COL16A1: variants seen among roughly 807,000 people sequenced by gnomAD.
The protein encoded by COL16A1 is collagen type XVI alpha 1 chain.
COL16A1 carries 189 observed loss-of-function variants against 266.3 expected under a neutral mutation model. The ratio of observed to expected loss-of-function variants is 0.71; its 90% CI spans 0.63 to 0.80. COL16A1 has a LOEUF of 0.80. COL16A1 is among the 30% of genes least tolerant of loss of function. COL16A1 has a pLI of 0.00. For missense variants in COL16A1, 1,928 were observed against 2,122.4 expected (o/e 0.91, Z 1.80); for synonymous variants, 740 against 782.3 (o/e 0.95, Z 0.90).
chr1:31,671,524 G>T, intron 48 of COL16A1, 91 bp downstream of exon 48: 5 of 1,537,866 alleles, frequency 3.3e-6, no homozygotes, highest in Non-Finnish European at 4.5e-6. Flanking sequence ...GCCTTGCCCA[G>T]CCTTTTGGGG....
In COL16A1 at chr1:31,685,701, G is replaced by A. The variant is rs375104465; in HGVS notation, c.1954C>T (p.Pro652Ser). ...TCCCCCTTCTCTCCGGATGGGCCAG[G>A]CAAGGCCACCACACGGACATCCCCA... The part of the protein sequence containing the change: ...QDGDVRVVAL[P>S]GPSGEKGEPG... The change falls in exon 29 of 71, where the codon CCT (proline) becomes TCT (serine). Residue 652 changes from proline (P) to serine (S), a missense_variant. Coordinates refer to ENST00000373672, the MANE Select transcript of COL16A1 (RefSeq NM_001856.4). This position sits in a 1 kb window ranked among gnomAD's most constrained non-coding sequence, Gnocchi z 4.0. 8.1e-6 allele frequency: 13 copies of A among 1,614,038 alleles called. No homozygotes were observed. Among genetic ancestry groups the A allele is most frequent in the Non-Finnish European group, 1.0e-5 (12 of 1,180,030 alleles).
chr1:31,658,456 C>A lies in COL16A1; in HGVS notation c.4020+32G>T, dbSNP rs1434702550. 2.6e-6 allele frequency: 4 copies of A among 1,556,744 alleles called. No homozygotes were observed. In the African/African-American group the frequency reaches 5.4e-5, roughly 21 times the overall value. The stretch of plus-strand genomic sequence containing the variant: ...GCCTTGAGCCAATTGACTCTTTCCC[C>A]CTGGGCTATGCTGTAGAATGTGGGA... On this transcript the variant is annotated intron_variant, in intron 64 of 70. Transcript: ENST00000373672.
In COL16A1 at chr1:31,657,108, C is replaced by A; in HGVS notation, c.4021-40G>T. ...GCAATGGAGACATGAGGAGCTCCAA[C>A]CCAGTTTGGTGTCAGATGCCTCACT... On this transcript the variant is annotated intron_variant, in intron 64 of 70. Coordinates refer to ENST00000373672, the MANE Select transcript of COL16A1 (RefSeq NM_001856.4). This position sits in a 1 kb window ranked among gnomAD's most constrained non-coding sequence, Gnocchi z 6.4. 6.2e-7 allele frequency: 1 copy of A among 1,614,048 alleles called. No homozygotes were observed. The highest frequency in any genetic ancestry group is 8.5e-7 in the Non-Finnish European group (1 of 1,179,934).
chr1:31,672,937 C>G, intron 44 of COL16A1, 97 bp from the exon 45 acceptor site: 1 of 1,146,458 alleles, frequency 8.7e-7, no homozygotes, highest in South Asian at 1.3e-5. Flanking sequence ...CCAGGGCTCC[C>G]TGCCCTGCCG....
chr1:31,681,189 C>T (rs1643616288), intron 37 of COL16A1, 122 bp from the exon 38 acceptor site: 2 of 1,341,942 alleles, frequency 1.5e-6, no homozygotes, highest in Non-Finnish European at 9.9e-7. Context: ...AGCCCAGGGC[C>T]GAGGGCCCAC....
rs1173484401 is a variant in COL16A1 at position 31,698,075 on chromosome 1, A to G, written c.488T>C (p.Leu163Pro). ...CAGCTTGTGCCAACGCAAGTCGAAGAGCTGGGGCACTGGGAAGATGCAGGA... is the reference window on the plus strand; with the variant it reads ...CAGCTTGTGCCAACGCAAGTCGAAGGGCTGGGGCACTGGGAAGATGCAGGA... ...FVSCIFPVPQLFDLRWHKLML... is the reference protein window; with the variant it reads ...FVSCIFPVPQPFDLRWHKLML... Residue 163 changes from leucine (L) to proline (P), a missense_variant, in exon 6 of 71, where the codon CTC (leucine) becomes CCC (proline). Coordinates refer to ENST00000373672, the MANE Select transcript of COL16A1 (RefSeq NM_001856.4). This position sits in a 1 kb window ranked among gnomAD's most constrained non-coding sequence, Gnocchi z 4.1. 1 of 1,613,848 alleles carries G rather than the reference A, an allele frequency of 6.2e-7. No individual in the cohort carries two copies. The highest frequency in any genetic ancestry group is 1.3e-5 in the African/African-American group (1 of 74,928).
At position 31,685,100 on chromosome 1, in the gene COL16A1, T is replaced by C. The variant is rs909279068; in HGVS notation, c.2017-244A>G. Reference sequence around the variant, plus strand: ...TTCTTCAGCTGTCAAATGGGGATGATAAAAATAGTATAGGCTTCTGCCCTG... The same window carrying C: ...TTCTTCAGCTGTCAAATGGGGATGACAAAAATAGTATAGGCTTCTGCCCTG... On this transcript the variant is annotated intron_variant, in intron 29 of 70. Transcript: ENST00000373672. This position sits in a 1 kb window ranked among gnomAD's most constrained non-coding sequence, Gnocchi z 4.0. Among the ~76,000 whole-genome samples the C allele has an allele frequency of 2.6e-5, 4 of 152,170 alleles. No homozygotes were observed. Among genetic ancestry groups the C allele is most frequent in the Non-Finnish European group, 5.9e-5 (4 of 68,036 alleles).
rs1364736980 is a variant in COL16A1 at position 31,685,091 on chromosome 1, T to C, written c.2017-235A>G. Among the ~76,000 whole-genome samples the C allele has an allele frequency of 6.6e-6, 1 of 152,158 alleles. No homozygotes were observed. The highest frequency in any genetic ancestry group is 2.4e-5 in the African/African-American group (1 of 41,430). The stretch of plus-strand genomic sequence containing the variant: ...TACCTCAGTTTCTTCAGCTGTCAAA[T>C]GGGGATGATAAAAATAGTATAGGCT... On this transcript the variant is annotated intron_variant, in intron 29 of 70. Coordinates refer to ENST00000373672, the MANE Select transcript of COL16A1 (RefSeq NM_001856.4). The surrounding 1 kb of genome is among the most constrained non-coding windows in gnomAD (Gnocchi z 4.0).
chr1:31,660,753 G>C (rs1358266382), intron 61 of COL16A1, 115 bp from the exon 62 acceptor site: 24 of 1,456,410 alleles, frequency 1.6e-5, no homozygotes, highest in Non-Finnish European at 2.1e-5. Context: ...GGCCAAAGGA[G>C]CTGGGCCAAT....
Position 31,688,520 on chromosome 1 carries a change from C to CAA in COL16A1, c.1768-19_1768-18insTT. ...GCTCTACCCTGAAAAACAACCAAGACAGAGTCTCAGCATCTCCCCACTCCC... is the reference window on the plus strand; with the variant it reads ...GCTCTACCCTGAAAAACAACCAAGACAAAGAGTCTCAGCATCTCCCCACTCCC... On this transcript the variant is annotated intron_variant, in intron 25 of 70. Transcript: ENST00000373672. The surrounding 1 kb of genome is among the most constrained non-coding windows in gnomAD (Gnocchi z 4.9). The CAA allele has an allele frequency of 6.2e-7, 1 of 1,614,108 alleles. No homozygotes were observed.
chr1:31,682,889 T>C (rs758778579), intron 37 of COL16A1, 45 bp downstream of exon 37: 1 of 1,610,286 alleles, frequency 6.2e-7, no homozygotes, highest in South Asian at 1.1e-5. Flanking sequence ...AGAAACATCC[T>C]TGGTTCCAGC....
chr1:31,680,845 G>A (rs1212086210), intron 39 of COL16A1, 60 bp downstream of exon 39: 7 of 1,613,004 alleles, frequency 4.3e-6, no homozygotes, highest in East Asian at 2.2e-5. Flanking sequence ...GGTCACAGGT[G>A]GGAAGGCTGG....
In COL16A1 at chr1:31,670,235, G is replaced by A; in HGVS notation, c.3195+367C>T. 1 of 250,342 alleles carries A rather than the reference G, an allele frequency of 4.0e-6. No individual in the cohort carries two copies. Among genetic ancestry groups the A allele is most frequent in the East Asian group, 7.7e-5 (1 of 12,916 alleles). 15.5% of individuals were successfully genotyped at this position (250,342 alleles called of 1,614,324 possible). A position where few individuals can be genotyped will look rare whatever the true frequency, so the allele number is the denominator to read the frequency against. On this transcript the variant is annotated intron_variant, in intron 49 of 70. Transcript: ENST00000373672. This position sits in a 1 kb window ranked among gnomAD's most constrained non-coding sequence, Gnocchi z 4.5. Reference sequence around the variant, plus strand: ...TGAGAAGCAGGAGGCAGAGCGAGAAGGCAGGAATGGAGGGGCCCCCTAGAG... The same window carrying A: ...TGAGAAGCAGGAGGCAGAGCGAGAAAGCAGGAATGGAGGGGCCCCCTAGAG...
chr1:31,660,662 A>G, intron 61 of COL16A1, 24 bp from the exon 62 acceptor site: 1 of 1,613,890 alleles, frequency 6.2e-7, no homozygotes, highest in Non-Finnish European at 8.5e-7. Flanking sequence ...AAAAAGGAAA[A>G]AATGACACTG....
chr1:31,675,067 G>C, intron 43 of COL16A1, 28 bp from the exon 44 acceptor site: 1 of 1,613,086 alleles, frequency 6.2e-7, no homozygotes, highest in African/African-American at 1.3e-5. Flanking sequence ...GTGGGCTCAA[G>C]CAGGTGAGGG....
At position 31,702,001 on chromosome 1, in the gene COL16A1, A is replaced by G. The variant is rs373595195; in HGVS notation, c.73+120T>C. The G allele has an allele frequency of 1.2e-3, 1,801 of 1,498,770 alleles. 9 individuals carry two copies. The highest frequency in any genetic ancestry group is 5.6e-3 in the South Asian group (479 of 85,294). 92.8% of individuals were successfully genotyped at this position (1,498,770 alleles called of 1,614,324 possible). A position where few individuals can be genotyped will look rare whatever the true frequency, so the allele number is the denominator to read the frequency against. ...TCAGATCACCCTGAGCCCAGCCCCTAGACTCTGCTATAACTGCCCACACGA... is the reference window on the plus strand; with the variant it reads ...TCAGATCACCCTGAGCCCAGCCCCTGGACTCTGCTATAACTGCCCACACGA... On this transcript the variant is annotated intron_variant, in intron 2 of 70. Transcript: ENST00000373672.
In COL16A1 at chr1:31,692,861, A is replaced by G. The variant is rs1339966621; in HGVS notation, c.1072-53T>C. 13 of 1,547,270 alleles carry G rather than the reference A, an allele frequency of 8.4e-6. No individual in the cohort carries two copies. The Admixed American group carries it at 2.2e-4, about 26-fold the overall frequency. ...GTGGGAACTCCTGGGGAAGTCCCCT[A>G]GATGTGTTGTGAGGAGGATCGGCCC... On this transcript the variant is annotated intron_variant, in intron 13 of 70. Coordinates refer to ENST00000373672, the MANE Select transcript of COL16A1 (RefSeq NM_001856.4).
Position 31,658,645 on chromosome 1 carries a change from A to G in COL16A1, c.3931-68T>C. The G allele has an allele frequency of 1.5e-5, 20 of 1,377,886 alleles. No homozygotes were observed. In the South Asian group the frequency reaches 2.3e-4, roughly 16 times the overall value. The allele number at this position is 1,377,886 out of a possible 1,614,324, so 85.4% of individuals were successfully genotyped here. A position where few individuals can be genotyped will look rare whatever the true frequency, so the allele number is the denominator to read the frequency against. ...GCAAAGTGGACTCCCATATAGCCAGAGACAGACACCCCATCGTGTGCCAGG... is the reference window on the plus strand; with the variant it reads ...GCAAAGTGGACTCCCATATAGCCAGGGACAGACACCCCATCGTGTGCCAGG... On this transcript the variant is annotated intron_variant, in intron 63 of 70. Coordinates refer to ENST00000373672, the MANE Select transcript of COL16A1 (RefSeq NM_001856.4).
rs945259547 is a variant in COL16A1, at chr1:31,657,252, C to A, written c.4021-184G>T. Reference sequence around the variant, plus strand: ...CTTAGACCCCCACCCCATACTCCAGCGTGATCCCAGAGCCCCAACAGCTCC... The same window carrying A: ...CTTAGACCCCCACCCCATACTCCAGAGTGATCCCAGAGCCCCAACAGCTCC... On this transcript the variant is annotated intron_variant, in intron 64 of 70. Coordinates refer to ENST00000373672, the MANE Select transcript of COL16A1 (RefSeq NM_001856.4). The surrounding 1 kb of genome is among the most constrained non-coding windows in gnomAD (Gnocchi z 6.4). The A allele has an allele frequency of 3.0e-6, 2 of 665,002 alleles. No individual in the cohort carries two copies. The highest frequency in any genetic ancestry group is 1.8e-5 in the African/African-American group (1 of 55,478). The allele number at this position is 665,002 out of a possible 1,614,324, so 41.2% of individuals were successfully genotyped here.
Sources: allele counts gnomAD v4.1 joint callset (sites outside exome capture counted in the v4.1 genomes callset), GRCh38; gene constraint gnomAD v4.1.1; non-coding constraint Gnocchi (gnomAD v3.1); transcripts MANE v1.5; gene names NCBI Gene and HGNC (gene_info 2026-07-23, HGNC 2026-07-21).